COX10: variants seen among roughly 807,000 people sequenced by gnomAD.
COX10 encodes cytochrome c oxidase assembly factor heme A:farnesyltransferase COX10.
Under a neutral mutation model 37.3 loss-of-function variants are expected in COX10, and 27 were observed. The ratio of observed to expected loss-of-function variants is 0.72; its 90% confidence interval spans 0.53 to 1.00. The LOEUF (loss-of-function observed/expected upper bound fraction) is 1.00. COX10 is among the 50% of genes least tolerant of loss of function. The pLI, the probability that COX10 is intolerant of heterozygous loss-of-function variation, is 0.00. For missense variants in COX10, 475 were observed against 563.2 expected, an observed-to-expected ratio of 0.84 and a Z score of 1.59; for synonymous variants, 222 against 229.1, an observed-to-expected ratio of 0.97 and a Z score of 0.28.
chr17:14,069,564 A>C lies in COX10; in HGVS notation c.-42A>C, dbSNP rs751521867. ...GGCGCCCAGCGTCCCGTGAGGAGAG[A>C]GGACACAGGGATCCCGGGGAGCGGC... On this transcript the variant is annotated 5_prime_UTR_variant, in exon 1 of 7. Transcript: ENST00000261643. 18 of 1,611,470 alleles carry C rather than the reference A, an allele frequency of 1.1e-5. No homozygotes were observed. Among genetic ancestry groups the C allele is most frequent in the Non-Finnish European group, 1.4e-5 (17 of 1,178,402 alleles).
intron 5 of COX10, among the ~76,000 whole-genome samples, chr17:14,175,083 C>CGGGGGGG (rs551562401): frequency 6.1e-5 from 1 of 16,366 alleles, no homozygotes. Flanking sequence ...TGGGAAATAG[C>CGGGGGGG]GGGGGGGGGG....
chr17:14,110,794 T>C (rs570627663), intron 4 of COX10, among the ~76,000 whole-genome samples: 2 of 152,192 alleles, frequency 1.3e-5, no homozygotes, highest in African/African-American at 4.8e-5. Flanking sequence ...AAACTGACTG[T>C]GTGGCTGATC....
intron 3 of COX10, among the ~76,000 whole-genome samples, chr17:14,097,203 TATGAGAAA>T (rs1915670590): frequency 6.6e-6 from 1 of 152,200 alleles, no homozygotes; most frequent in Non-Finnish European, 1.5e-5. Context: ...GGCAGTGTTG[TATGAGAAA>T]ATCGCTTTGG....
intron 6 of COX10, among the ~76,000 whole-genome samples, chr17:14,198,942 A>G (rs1906447518): frequency 6.6e-6 from 1 of 152,196 alleles, no homozygotes; most frequent in African/African-American, 2.4e-5. Context: ...CTCCAGATTA[A>G]GTTATACTAG....
rs900317495 is a variant in COX10 at position 14,107,019 on chromosome 17, T to C, written c.624+4777T>C. Among the ~76,000 whole-genome samples the C allele has an allele frequency of 2.0e-5, 3 of 152,132 alleles. No individual in the cohort carries two copies. In the East Asian group the frequency reaches 5.8e-4, roughly 29 times the overall value. On this transcript the variant is annotated intron_variant, in intron 4 of 6. Coordinates refer to ENST00000261643, the MANE Select transcript of COX10 (RefSeq NM_001303.4). ...TTTCTCATCTTAGCACTACTAGCAG[T>C]TTGGACAAGATGTCTGTTGTGTGGG...
chr17:14,154,944 C>G (rs1443608387), intron 4 of COX10, among the ~76,000 whole-genome samples: 1 of 152,118 alleles, frequency 6.6e-6, no homozygotes, highest in Non-Finnish European at 1.5e-5. Context: ...AGCGTTAGGG[C>G]TAGATTAGTG....
At chr17:14,071,760 C>T (rs1440229376) in intron 1 of COX10, among the ~76,000 whole-genome samples, 2 of 145,290 alleles carry the variant, frequency 1.4e-5, no homozygotes, top group Non-Finnish European at 3.0e-5. Context: ...ATTAGCCAAG[C>T]GCAATGGTGT....
intron 4 of COX10, among the ~76,000 whole-genome samples, chr17:14,151,336 T>C (rs1306513004): frequency 5.3e-5 from 8 of 152,144 alleles, no homozygotes; most frequent in Admixed American, 3.9e-4. Context: ...TAGCATGGTA[T>C]TTTTGCCCAG....
chr17:14,136,614 G>A (rs1174530114), intron 4 of COX10, among the ~76,000 whole-genome samples: 1 of 151,906 alleles, frequency 6.6e-6, no homozygotes, highest in African/African-American at 2.4e-5. Context: ...AAAACTTTTA[G>A]TGAATCTCTG....
chr17:14,173,242 A>G (rs1905538096), intron 5 of COX10, among the ~76,000 whole-genome samples: 2 of 152,258 alleles, frequency 1.3e-5, no homozygotes, highest in African/African-American at 2.4e-5. Context: ...AATAATGGAT[A>G]GATGGACAGG....
At chr17:14,092,397 T>C (rs1915548346) in intron 3 of COX10, among the ~76,000 whole-genome samples, 1 of 152,130 alleles carries the variant, frequency 6.6e-6, no homozygotes, top group Non-Finnish European at 1.5e-5. Context: ...ATTAATTGTA[T>C]GAAAAATAAG....
intron 6 of COX10, among the ~76,000 whole-genome samples, chr17:14,197,592 G>C (rs1906404258): frequency 6.6e-6 from 1 of 152,266 alleles, no homozygotes; most frequent in Non-Finnish European, 1.5e-5. Context: ...ATGGCAGGGT[G>C]AAGAAAATGA....
intron 5 of COX10, among the ~76,000 whole-genome samples, chr17:14,188,092 CCTT>C (rs1372416958): frequency 7.9e-6 from 1 of 126,678 alleles, no homozygotes; most frequent in Admixed American, 9.7e-5. Context: ...GAGTAAACAA[CCTT>C]CTTCTTCTTT....
intron 6 of COX10, among the ~76,000 whole-genome samples, chr17:14,200,461 C>G (rs187992187): frequency 6.6e-6 from 1 of 152,336 alleles, no homozygotes; most frequent in East Asian, 1.9e-4. Context: ...GCCCTCTAAT[C>G]AGAGCCAGGT....
chr17:14,153,038 T>C (rs1904949302), intron 4 of COX10, among the ~76,000 whole-genome samples: 1 of 152,198 alleles, frequency 6.6e-6, no homozygotes, highest in South Asian at 2.1e-4. Context: ...ACATCTCACG[T>C]AAGCTTCTTT....
At chr17:14,130,658 ACT>A (rs1231244900) in intron 4 of COX10, among the ~76,000 whole-genome samples, 1 of 151,694 alleles carries the variant, frequency 6.6e-6, no homozygotes, top group Admixed American at 6.6e-5. Flanking sequence ...GTTCTTCACC[ACT>A]GTCTTTGTTT....
At chr17:14,192,300 G>A (rs544926934) in intron 6 of COX10, 79 bp downstream of exon 6, 1 of 1,613,878 alleles carries the variant, frequency 6.2e-7, no homozygotes, top group African/African-American at 1.3e-5. Flanking sequence ...GTAGCACTTG[G>A]TTCGATTCCA....
At chr17:14,135,737 A>T (rs1181987129) in intron 4 of COX10, among the ~76,000 whole-genome samples, 2 of 151,964 alleles carry the variant, frequency 1.3e-5, no homozygotes, top group Non-Finnish European at 2.9e-5. Flanking sequence ...CTTCCTACGT[A>T]ACCTATTGGA....
intron 5 of COX10, among the ~76,000 whole-genome samples, chr17:14,166,973 G>T (rs1231724816): frequency 6.6e-6 from 1 of 151,920 alleles, no homozygotes; most frequent in East Asian, 1.9e-4. Flanking sequence ...GCCATAGATC[G>T]TGATTCCTCT....
Sources: gnomAD v4.1 joint callset for allele counts (sites outside exome capture counted in the v4.1 genomes callset) on GRCh38, gnomAD v4.1.1 for gene constraint, MANE v1.5 for transcripts, NCBI Gene and HGNC (gene_info 2026-07-23, HGNC 2026-07-21) for gene names.